WDR27: variants seen among roughly 807,000 people sequenced by gnomAD.
WDR27 encodes the protein WD repeat-containing protein 27.
A neutral mutation model predicts 114.4 loss-of-function variants in WDR27; 100 were observed. The observed-to-expected ratio is 0.87, with a 90% CI of 0.74 to 1.03. The LOEUF (loss-of-function observed/expected upper bound fraction) is 1.03. Ranked by LOEUF, WDR27 falls within the 50% of genes least tolerant of loss-of-function variation. The pLI is 0.00. For synonymous variants in WDR27, 449 were observed against 423.1 expected (o/e 1.06, Z -0.75); for missense variants, 1,129 against 1,092.9 (o/e 1.03, Z -0.47).
At chr6:169,633,911 G>A (rs999723004) in intron 20 of WDR27, among the ~76,000 whole-genome samples, 7 of 152,112 alleles carry the variant, frequency 4.6e-5, no homozygotes, top group Admixed American at 1.3e-4. Context: ...AGAGTTCAAC[G>A]TAGATTGAAC....
chr6:169,564,892 A>C (rs1800216545), intron 25 of WDR27, among the ~76,000 whole-genome samples: 1 of 152,196 alleles, frequency 6.6e-6, no homozygotes, highest in African/African-American at 2.4e-5. Flanking sequence ...CCGCGTCCTC[A>C]TGCCAACACC....
At chr6:169,577,178 C>CGCCGGCTCAGTCCACAGGTGATTTTCT (rs1802509774) in intron 24 of WDR27, among the ~76,000 whole-genome samples, 1 of 152,042 alleles carries the variant, frequency 6.6e-6, no homozygotes, top group Non-Finnish European at 1.5e-5. Context: ...CGCACCAACT[C>CGCCGGCTCAGTCCACAGGTGATTTTCT]GCCGGCTCAG....
At chr6:169,553,179 C>T (rs1443898011) in intron 25 of WDR27, among the ~76,000 whole-genome samples, 2 of 151,702 alleles carry the variant, frequency 1.3e-5, no homozygotes, top group Admixed American at 1.3e-4. Flanking sequence ...ACAGGGACTG[C>T]GGGTGCTCAG....
At chr6:169,625,503 C>T (rs886553376) in intron 21 of WDR27, among the ~76,000 whole-genome samples, 2 of 152,244 alleles carry the variant, frequency 1.3e-5, no homozygotes, top group African/African-American at 2.4e-5. Flanking sequence ...AGAGCACAGA[C>T]AGAGTGCAGC....
At chr6:169,699,537 C>T (rs557500338) in intron 1 of WDR27, among the ~76,000 whole-genome samples, 31 of 152,286 alleles carry the variant, frequency 2.0e-4, no homozygotes, top group African/African-American at 7.0e-4. Flanking sequence ...AAGCAAAGAA[C>T]AGAGTAAGGG....
intron 21 of WDR27, among the ~76,000 whole-genome samples, chr6:169,615,274 A>G (rs551123993): frequency 6.6e-6 from 1 of 152,252 alleles, no homozygotes; most frequent in South Asian, 2.1e-4. Flanking sequence ...GGTTTGTTAT[A>G]TAAGTAAACT....
intron 21 of WDR27, among the ~76,000 whole-genome samples, chr6:169,631,562 G>A (rs1402724768): frequency 1.3e-5 from 2 of 152,054 alleles, no homozygotes; most frequent in Admixed American, 6.6e-5. Flanking sequence ...CTCCCCAGGC[G>A]TCCTCCTGGA....
intron 25 of WDR27, among the ~76,000 whole-genome samples, chr6:169,562,156 T>C (rs1305437986): frequency 6.6e-6 from 1 of 151,940 alleles, no homozygotes; most frequent in South Asian, 2.1e-4. Context: ...ACATACCACA[T>C]AAGGACGCGG....
At chr6:169,471,548 G>C (rs1389405226) in intron 25 of WDR27, among the ~76,000 whole-genome samples, 4 of 152,164 alleles carry the variant, frequency 2.6e-5, no homozygotes, top group Non-Finnish European at 4.4e-5. Flanking sequence ...GTTTTAAAAT[G>C]TCCATGGCTT....
intron 2 of WDR27, among the ~76,000 whole-genome samples, chr6:169,683,637 G>T (rs1331523458): frequency 6.6e-6 from 1 of 152,142 alleles, no homozygotes; most frequent in South Asian, 2.1e-4. Context: ...GTGGTGACTG[G>T]AAGTCCAGGA....
chr6:169,464,447 C>A (rs1785288669), intron 25 of WDR27, among the ~76,000 whole-genome samples: 1 of 152,048 alleles, frequency 6.6e-6, no homozygotes, highest in Non-Finnish European at 1.5e-5. Context: ...AAAATATAGA[C>A]AAACAGCTTC....
intron 25 of WDR27, among the ~76,000 whole-genome samples, chr6:169,537,774 C>A (rs1176467893): frequency 6.6e-6 from 1 of 152,064 alleles, no homozygotes; most frequent in South Asian, 2.1e-4. Context: ...TGGGGGGAAG[C>A]CAGAGTATTC....
chr6:169,569,450 T>C (rs963702889), intron 25 of WDR27, among the ~76,000 whole-genome samples: 1 of 152,222 alleles, frequency 6.6e-6, no homozygotes, highest in Non-Finnish European at 1.5e-5. Flanking sequence ...ATTGTTAAGC[T>C]TCATTTTAAA....
intron 21 of WDR27, among the ~76,000 whole-genome samples, chr6:169,620,522 T>C (rs557517030): frequency 6.6e-6 from 1 of 152,336 alleles, no homozygotes; most frequent in Admixed American, 6.5e-5. Flanking sequence ...GGAAAGCTGA[T>C]CAAGGACTCA....
At chr6:169,459,259 G>A (rs557197974) in intron 25 of WDR27, among the ~76,000 whole-genome samples, 16 of 152,090 alleles carry the variant, frequency 1.1e-4, no homozygotes, top group Admixed American at 5.2e-4. Context: ...TCAATAAAAA[G>A]AGAACCTAAA....
At chr6:169,698,933 G>C (rs1787032786) in intron 1 of WDR27, among the ~76,000 whole-genome samples, 1 of 152,330 alleles carries the variant, frequency 6.6e-6, no homozygotes, top group African/African-American at 2.4e-5. Flanking sequence ...ACTGATGTGG[G>C]TACCTTGAAG....
At chr6:169,446,166 T>C in the WDR27 span, among the ~76,000 whole-genome samples, 1 of 152,322 alleles carries the variant, frequency 6.6e-6, no homozygotes, top group Middle Eastern at 3.4e-3. Flanking sequence ...GCAGACCTGC[T>C]GCTGAGCTGC....
At chr6:169,675,804 G>A in intron 2 of WDR27, among the ~76,000 whole-genome samples, 1 of 152,160 alleles carries the variant, frequency 6.6e-6, no homozygotes, top group African/African-American at 2.4e-5. Context: ...GAGACTGCAG[G>A]CTGTAAAATT....
chr6:169,651,279 G>A lies in WDR27; in HGVS notation c.1481+651C>T, dbSNP rs115758945. On this transcript the variant is annotated intron_variant, in intron 14 of 25. Coordinates refer to ENST00000448612, the MANE Select transcript of WDR27 (RefSeq NM_182552.5). ...GCCAACCAGGGAGACAAGCGTGTGC[G>A]CTGCGGTCAGGGACTCCAGGTAACA... Among the ~76,000 whole-genome samples the A allele has an allele frequency of 8.4e-3, 1,276 of 151,554 alleles. 15 individuals carry two copies. The highest frequency in any genetic ancestry group is 0.029 in the African/African-American group (1,198 of 41,064).
Sources: allele counts gnomAD v4.1 joint callset (sites outside exome capture counted in the v4.1 genomes callset), GRCh38; gene constraint gnomAD v4.1.1; transcripts MANE v1.5; gene names NCBI Gene and HGNC (gene_info 2026-07-23, HGNC 2026-07-21).